The following TENM4 variants were observed in gnomAD, a reference collection of about 807,000 sequenced individuals.
TENM4 encodes teneurin transmembrane protein 4.
In TENM4, 82 loss-of-function variants were observed where a neutral mutation model predicts 243.3. The observed-to-expected ratio is 0.34, with a 90% CI of 0.28 to 0.40. The LOEUF is 0.40. Ranked by LOEUF, TENM4 falls within the 10% of genes least tolerant of loss-of-function variation. TENM4 has a pLI of 1.00. For missense variants in TENM4, 3,138 were observed against 3,673.3 expected (o/e 0.85, Z 3.77); for synonymous variants, 1,412 against 1,456.3 (o/e 0.97, Z 0.69).
At chr11:78,791,108 C>A (rs1280819382) in intron 15 of TENM4, among the ~76,000 whole-genome samples, 3 of 152,072 alleles carry the variant, frequency 2.0e-5, no homozygotes, top group Non-Finnish European at 4.4e-5. Context: ...GGTAATACAG[C>A]TTGGGAGTGC....
chr11:79,416,896 AAGAC>A (rs1270784002), intron 1 of TENM4, among the ~76,000 whole-genome samples: 3 of 152,192 alleles, frequency 2.0e-5, no homozygotes, highest in African/African-American at 4.8e-5. Flanking sequence ...AAGAAAAAAA[AAGAC>A]AGACACTACA....
intron 6 of TENM4, among the ~76,000 whole-genome samples, chr11:78,947,667 AG>A (rs1222969294): frequency 6.6e-6 from 1 of 152,254 alleles, no homozygotes; most frequent in Admixed American, 6.5e-5. Flanking sequence ...TGTAAAGCTC[AG>A]GTTACGAGGA....
At chr11:78,684,727 C>A (rs1858624294) in intron 29 of TENM4, among the ~76,000 whole-genome samples, 1 of 152,194 alleles carries the variant, frequency 6.6e-6, no homozygotes, top group African/African-American at 2.4e-5. Flanking sequence ...CTTCTCACTG[C>A]CTTCATGCAG....
At chr11:79,050,267 T>A (rs1184839011) in intron 6 of TENM4, among the ~76,000 whole-genome samples, 1 of 152,192 alleles carries the variant, frequency 6.6e-6, no homozygotes, top group Non-Finnish European at 1.5e-5. Context: ...GACACGATCT[T>A]TTTTCAAAAT....
At chr11:79,072,244 T>C (rs1202693748) in intron 4 of TENM4, among the ~76,000 whole-genome samples, 1 of 152,134 alleles carries the variant, frequency 6.6e-6, no homozygotes, top group Non-Finnish European at 1.5e-5. Context: ...CCCAGCATTT[T>C]AGGAGGCGAA....
At chr11:79,418,451 T>C (rs1858864149) in intron 1 of TENM4, among the ~76,000 whole-genome samples, 1 of 152,238 alleles carries the variant, frequency 6.6e-6, no homozygotes, top group South Asian at 2.1e-4. Flanking sequence ...TGTTGAGTCA[T>C]AGCCAATCAT....
intron 6 of TENM4, among the ~76,000 whole-genome samples, chr11:79,013,249 A>G (rs573400146): frequency 9.9e-5 from 15 of 152,156 alleles, no homozygotes; most frequent in African/African-American, 3.6e-4. Context: ...TCCTCCACCC[A>G]TTTCCACCTC....
At chr11:78,975,177 G>A (rs1857624768) in intron 6 of TENM4, among the ~76,000 whole-genome samples, 1 of 151,100 alleles carries the variant, frequency 6.6e-6, no homozygotes, top group African/African-American at 2.4e-5. Flanking sequence ...TTGGGGTATG[G>A]GGGTAGGGTG....
intron 6 of TENM4, among the ~76,000 whole-genome samples, chr11:79,051,764 C>T (rs1405189142): frequency 6.6e-6 from 1 of 152,192 alleles, no homozygotes; most frequent in Non-Finnish European, 1.5e-5. Context: ...CTGATGCTCT[C>T]CCTCCCCATT....
In TENM4 at chr11:79,438,600, G is replaced by T. The variant is rs1315268212; in HGVS notation, c.-321+1909C>A. ...CAAGGGGGACCAGGCACCGCGGGCA[G>T]GTTTCTAAACACGTGAAGGGCACAG... On this transcript the variant is annotated intron_variant, in intron 1 of 33. Transcript: ENST00000278550. This position sits in a 1 kb window ranked among gnomAD's most constrained non-coding sequence, Gnocchi z 4.1. 6.6e-6 allele frequency among the ~76,000 whole-genome samples: 1 copy of T among 152,204 alleles called. No individual in the cohort carries two copies. Among genetic ancestry groups the T allele is most frequent in the Non-Finnish European group, 1.5e-5 (1 of 68,050 alleles).
At chr11:79,404,797 A>G (rs1406159662) in intron 1 of TENM4, among the ~76,000 whole-genome samples, 1 of 152,188 alleles carries the variant, frequency 6.6e-6, no homozygotes, top group Admixed American at 6.5e-5. Context: ...AATACTGTAT[A>G]TCTATTCAAA....
At chr11:78,801,806 T>A (rs774759226) in intron 15 of TENM4, among the ~76,000 whole-genome samples, 1 of 152,134 alleles carries the variant, frequency 6.6e-6, no homozygotes, top group Non-Finnish European at 1.5e-5. Flanking sequence ...CAGCTCCTGA[T>A]GGGAGGGACT....
rs760634695 is a variant in TENM4, at chr11:78,669,591, G to C, written c.6754C>G (p.Gln2252Glu). ...RDRITRLGDV[Q>E]YKMDEDGFLR... ...AAGCCATCCTCATCCATCTTGTATT[G>C]CACGTCACCCAGCCGAGTGATGCGG... is the stretch of plus-strand genomic sequence containing the variant. Residue 2252 changes from glutamine (Q) to glutamate (E), a missense_variant, in exon 32 of 34, where the codon CAA becomes GAA. By Grantham distance (29) the Gln-to-Glu change is conservative. This residue lies in a region of TENM4 where 2,467 missense variants were observed against 3,059.1 expected (regional missense o/e 0.81). Coordinates refer to ENST00000278550, the MANE Select transcript of TENM4 (RefSeq NM_001098816.3). The surrounding 1 kb of genome is among the most constrained non-coding windows in gnomAD (Gnocchi z 6.4). 3.7e-6 allele frequency: 6 copies of C among 1,613,792 alleles called. No homozygotes were observed. In the African/African-American group the frequency reaches 4.0e-5, roughly 11 times the overall value.
intron 4 of TENM4, among the ~76,000 whole-genome samples, chr11:79,125,421 A>C (rs895122971): frequency 6.6e-6 from 1 of 152,032 alleles, no homozygotes; most frequent in Non-Finnish European, 1.5e-5. Context: ...GAAAGAGCTG[A>C]AATTGTGGAA....
intron 4 of TENM4, among the ~76,000 whole-genome samples, chr11:79,079,868 C>T (rs371376891): frequency 2.7e-5 from 4 of 150,564 alleles, no homozygotes; most frequent in East Asian, 1.9e-4. Context: ...AAAATGTGTT[C>T]GGATTGAAAA....
intron 6 of TENM4, among the ~76,000 whole-genome samples, chr11:78,970,729 G>A (rs950082530): frequency 1.3e-5 from 2 of 152,176 alleles, no homozygotes; most frequent in African/African-American, 4.8e-5. Context: ...CACCTCAAGA[G>A]GTTGCTCTGA....
intron 6 of TENM4, chr11:78,924,509 A>ATCTT (rs1177018160): frequency 6.6e-6 from 1 of 152,236 alleles, no homozygotes; most frequent in Non-Finnish European, 1.5e-5. Context: ...ACAGCAGTAC[A>ATCTT]TCTTTGGGGA....
At chr11:79,188,259 G>C (rs567314066) in intron 3 of TENM4, among the ~76,000 whole-genome samples, 1 of 152,342 alleles carries the variant, frequency 6.6e-6, no homozygotes, top group African/African-American at 2.4e-5. Context: ...ACTAGGAATT[G>C]AGAAGAGAAG....
At chr11:79,323,500 C>T (rs935434831) in intron 1 of TENM4, among the ~76,000 whole-genome samples, 1 of 152,196 alleles carries the variant, frequency 6.6e-6, no homozygotes, top group Non-Finnish European at 1.5e-5. Flanking sequence ...AAAGGTGATG[C>T]ACCCTCTAGG....
Sources: allele counts gnomAD v4.1 joint callset (sites outside exome capture counted in the v4.1 genomes callset), GRCh38; gene constraint gnomAD v4.1.1; regional missense constraint gnomAD v4.1.1; non-coding constraint Gnocchi (gnomAD v3.1); transcripts MANE v1.5; gene names NCBI Gene and HGNC (gene_info 2026-07-23, HGNC 2026-07-21).